The following DNAH11 variants were observed in gnomAD, a reference collection of about 807,000 sequenced individuals.
DNAH11 encodes the protein dynein axonemal heavy chain 11.
DNAH11 carries 442 observed loss-of-function variants against 526.0 expected under a neutral mutation model. That is an observed-to-expected ratio of 0.84 (90% confidence interval 0.78 to 0.91). The LOEUF is 0.91. Ranked by LOEUF, DNAH11 falls within the 40% of genes least tolerant of loss-of-function variation. DNAH11 has a pLI of 0.00. For missense variants in DNAH11, 6,989 were observed against 5,448.7 expected, an observed-to-expected ratio of 1.28 and a Z score of -8.90; for synonymous variants, 2,461 against 1,935.9, an observed-to-expected ratio of 1.27 and a Z score of -7.12.
At chr7:21,568,858 G>T (rs1448954785) in intron 6 of DNAH11, among the ~76,000 whole-genome samples, 1 of 152,110 alleles carries the variant, frequency 6.6e-6, no homozygotes, top group Non-Finnish European at 1.5e-5. Context: ...AGAGATAAAG[G>T]TATATGGAAT....
At chr7:21,709,915 A>G (rs542137330) in intron 40 of DNAH11, among the ~76,000 whole-genome samples, 3 of 152,208 alleles carry the variant, frequency 2.0e-5, no homozygotes, top group Non-Finnish European at 4.4e-5. Flanking sequence ...TCACAATGCT[A>G]TTAGATTTAC....
chr7:21,623,006 G>T (rs1183979052), intron 25 of DNAH11, among the ~76,000 whole-genome samples: 2 of 151,910 alleles, frequency 1.3e-5, no homozygotes, highest in African/African-American at 4.8e-5. Flanking sequence ...CACAACAAAA[G>T]AAACTACCAT....
chr7:21,651,127 A>C (rs1390285856), intron 28 of DNAH11, among the ~76,000 whole-genome samples: 1 of 152,134 alleles, frequency 6.6e-6, no homozygotes, highest in Non-Finnish European at 1.5e-5. Flanking sequence ...TATTATTATG[A>C]ATATTGTCAT....
intron 28 of DNAH11, among the ~76,000 whole-genome samples, chr7:21,646,221 A>G (rs1055119477): frequency 6.6e-6 from 1 of 152,216 alleles, no homozygotes; most frequent in Non-Finnish European, 1.5e-5. Flanking sequence ...CAAAACCACA[A>G]CAAGATGAGA....
At chr7:21,668,333 T>C (rs957134980) in intron 30 of DNAH11, among the ~76,000 whole-genome samples, 3 of 152,166 alleles carry the variant, frequency 2.0e-5, no homozygotes, top group African/African-American at 2.4e-5. Flanking sequence ...TTTAGTATAA[T>C]AAAAATAATA....
At chr7:21,712,693 C>CT (rs1562503768) in intron 42 of DNAH11, among the ~76,000 whole-genome samples, 1 of 152,180 alleles carries the variant, frequency 6.6e-6, no homozygotes, top group African/African-American at 2.4e-5. Context: ...CATGTAAGTT[C>CT]TTTAAGTTCT....
chr7:21,672,442 T>C (rs1782678416), intron 30 of DNAH11, among the ~76,000 whole-genome samples: 1 of 152,142 alleles, frequency 6.6e-6, no homozygotes, highest in Non-Finnish European at 1.5e-5. Context: ...CTTAACACCA[T>C]GTCTGGCTAA....
intron 61 of DNAH11, among the ~76,000 whole-genome samples, chr7:21,790,702 C>G (rs1181240341): frequency 6.6e-6 from 1 of 152,084 alleles, no homozygotes; most frequent in Admixed American, 6.5e-5. Flanking sequence ...AAAGGTGTTC[C>G]TGACAGAAGG....
chr7:21,609,768 G>A (rs527415609), intron 20 of DNAH11, among the ~76,000 whole-genome samples: 1 of 151,736 alleles, frequency 6.6e-6, no homozygotes, highest in Non-Finnish European at 1.5e-5. Flanking sequence ...AAATGCAGAA[G>A]CCTGTGCTGC....
intron 30 of DNAH11, among the ~76,000 whole-genome samples, chr7:21,673,905 A>AT (rs1434433655): frequency 1.3e-5 from 2 of 149,154 alleles, no homozygotes; most frequent in African/African-American, 5.0e-5. Flanking sequence ...CTTTATATTC[A>AT]TGTTTTTTTT....
At chr7:21,623,982 T>G in intron 25 of DNAH11, among the ~76,000 whole-genome samples, 1 of 150,226 alleles carries the variant, frequency 6.7e-6, no homozygotes, top group East Asian at 1.9e-4. Flanking sequence ...AATAATAAAA[T>G]AAAAATAAAA....
chr7:21,675,344 G>A (rs1782831362), intron 30 of DNAH11, among the ~76,000 whole-genome samples: 1 of 152,148 alleles, frequency 6.6e-6, no homozygotes, highest in Admixed American at 6.5e-5. Flanking sequence ...CCTTTACACA[G>A]GCTGCTTCCT....
chr7:21,742,052 C>G lies in DNAH11; in HGVS notation c.8040C>G (p.Pro2680=). 6.2e-7 allele frequency: 1 copy of G among 1,613,978 alleles called. No individual in the cohort carries two copies. The highest frequency in any genetic ancestry group is 8.5e-7 in the Non-Finnish European group (1 of 1,179,860). The change falls in exon 49 of 82, where the codon CCC becomes CCG. Residue 2680 remains proline (P), a synonymous_variant. Transcript: ENST00000409508. ...AFAPSILRSG[P]TLIQATIAFH... ...CTCCATCAATTCTCAGGAGTGGCCC[C>G]ACTTTGATCCAGGCAACAATAGCAT...
intron 41 of DNAH11, 76 bp downstream of exon 41, chr7:21,710,779 TA>T: frequency 1.4e-6 from 2 of 1,405,108 alleles, no homozygotes; most frequent in Non-Finnish European, 1.9e-6. Context: ...TTGTCGATGT[TA>T]ATACTAGTTT....
intron 54 of DNAH11, among the ~76,000 whole-genome samples, chr7:21,755,103 TAC>T (rs2128494374): frequency 6.6e-6 from 1 of 152,218 alleles, no homozygotes; most frequent in East Asian, 1.9e-4. Context: ...GCCACCCCAT[TAC>T]CCATGCTCAC....
At chr7:21,564,080 A>G in intron 5 of DNAH11, 106 bp from the exon 6 acceptor site, 1 of 725,684 alleles carries the variant, frequency 1.4e-6, no homozygotes, top group South Asian at 2.3e-5. Flanking sequence ...ACAACATTTA[A>G]GTGTGGCCAT....
At chr7:21,625,285 A>G (rs1786276168) in intron 25 of DNAH11, among the ~76,000 whole-genome samples, 3 of 151,992 alleles carry the variant, frequency 2.0e-5, no homozygotes, top group African/African-American at 7.2e-5. Flanking sequence ...GAACTTAACC[A>G]TTTCAATTTG....
intron 54 of DNAH11, among the ~76,000 whole-genome samples, chr7:21,753,016 G>A (rs778442940): frequency 2.6e-5 from 4 of 152,254 alleles, no homozygotes; most frequent in Middle Eastern, 3.4e-3. Context: ...TTTACTAGAA[G>A]CAGTCGGAAC....
At chr7:21,694,480 G>T (rs1248074384) in intron 35 of DNAH11, among the ~76,000 whole-genome samples, 1 of 152,132 alleles carries the variant, frequency 6.6e-6, no homozygotes, top group East Asian at 1.9e-4. Flanking sequence ...TTAGTTTGCT[G>T]AGAATGATGG....
Sources: allele counts gnomAD v4.1 joint callset (sites outside exome capture counted in the v4.1 genomes callset), GRCh38; gene constraint gnomAD v4.1.1; transcripts MANE v1.5; gene names NCBI Gene and HGNC (gene_info 2026-07-23, HGNC 2026-07-21).